SDK2: variants seen among roughly 807,000 people sequenced by gnomAD.
SDK2 encodes protein sidekick-2.
A neutral mutation model predicts 253.9 loss-of-function variants in SDK2; 105 were observed. The ratio of observed to expected loss-of-function variants is 0.41; its 90% confidence interval spans 0.35 to 0.49. The LOEUF (loss-of-function observed/expected upper bound fraction) is 0.49, where lower values mean the gene tolerates loss of function less well. Ranked by LOEUF, SDK2 falls within the 20% of genes least tolerant of loss-of-function variation. The pLI is 0.06. For missense variants in SDK2, 2,608 were observed against 3,003.0 expected (o/e 0.87, Z 3.07); for synonymous variants, 1,249 against 1,234.9 (o/e 1.01, Z -0.24).
At chr17:73,354,646 G>C (rs564585097) in intron 40 of SDK2, among the ~76,000 whole-genome samples, 4 of 152,170 alleles carry the variant, frequency 2.6e-5, no homozygotes, top group Non-Finnish European at 4.4e-5. Context: ...GGTCCTCTCT[G>C]TCTGGCCTGC....
chr17:73,411,975 T>G (rs1248179725), intron 18 of SDK2, among the ~76,000 whole-genome samples: 2 of 62,074 alleles, frequency 3.2e-5, no homozygotes, highest in African/African-American at 1.2e-4. Flanking sequence ...TATACGTATA[T>G]ATATATCTAC....
intron 1 of SDK2, among the ~76,000 whole-genome samples, chr17:73,552,810 T>C (rs1042307449): frequency 1.3e-5 from 2 of 152,236 alleles, no homozygotes; most frequent in African/African-American, 4.8e-5. Flanking sequence ...CCAACTCATT[T>C]GCACTTCTCG....
chr17:73,513,149 A>G (rs1321654922), intron 1 of SDK2, among the ~76,000 whole-genome samples: 1 of 151,996 alleles, frequency 6.6e-6, no homozygotes, highest in Non-Finnish European at 1.5e-5. Context: ...CTGGAAAAAA[A>G]AAAACCCTCA....
intron 11 of SDK2, 74 bp from the exon 12 acceptor site, chr17:73,430,687 A>T (rs1013577557): frequency 3.0e-6 from 3 of 991,080 alleles, no homozygotes; most frequent in Non-Finnish European, 4.3e-6. Flanking sequence ...GGTGGATACC[A>T]TATGAAAGCC....
At chr17:73,523,463 T>C (rs1260407681) in intron 1 of SDK2, among the ~76,000 whole-genome samples, 3 of 151,888 alleles carry the variant, frequency 2.0e-5, no homozygotes, top group African/African-American at 7.3e-5. Flanking sequence ...GATGAGGTCA[T>C]GAGAGGGGAC....
At chr17:73,356,715 T>C (rs1263918082) in intron 40 of SDK2, among the ~76,000 whole-genome samples, 1 of 152,134 alleles carries the variant, frequency 6.6e-6, no homozygotes, top group African/African-American at 2.4e-5. Context: ...CTGTGCCTGG[T>C]TACTGATCCT....
At chr17:73,524,434 G>A (rs147716295) in intron 1 of SDK2, among the ~76,000 whole-genome samples, 3,099 of 152,320 alleles carry the variant, frequency 0.02, 57 homozygotes, top group Non-Finnish European at 0.029. Flanking sequence ...TGGTGGGCTG[G>A]GGATGAAGGT....
chr17:73,471,947 G>C (rs2063654009), intron 3 of SDK2, among the ~76,000 whole-genome samples, 165 bp downstream of exon 3: 2 of 152,192 alleles, frequency 1.3e-5, no homozygotes, highest in Non-Finnish European at 2.9e-5. Context: ...CTGGGCCTTG[G>C]TTCTACCAAC....
Position 73,422,383 on chromosome 17 carries a change from A to G in SDK2, c.1949T>C (p.Val650Ala). The G allele has an allele frequency of 1.2e-6, 2 of 1,613,872 alleles. No homozygotes were observed. Residue 650 changes from valine to alanine, a missense_variant, in exon 15 of 45, where the codon GTG (valine) becomes GCG (alanine). Physicochemically the swap from Val to Ala is moderately conservative, Grantham distance 64. This residue lies in a region of SDK2 where 1,505 missense variants were observed against 1,859.1 expected (regional missense o/e 0.81). Coordinates refer to ENST00000392650, the MANE Select transcript of SDK2 (RefSeq NM_001144952.2). ...TGCAGGAACCAGGCCCTTGACTGTCACTGAGGTAGCTTTGGGGTCCACACT... is the reference window on the plus strand; with the variant it reads ...TGCAGGAACCAGGCCCTTGACTGTCGCTGAGGTAGCTTTGGGGTCCACACT... ...LASVDPKATS[V>A]TVKGLVPARS...
chr17:73,450,156 C>G (rs932454089), intron 4 of SDK2, among the ~76,000 whole-genome samples: 4 of 152,152 alleles, frequency 2.6e-5, no homozygotes, highest in African/African-American at 9.7e-5. Context: ...GGGGTCCTCC[C>G]CGTGCAGGGC....
intron 44 of SDK2, among the ~76,000 whole-genome samples, chr17:73,339,860 G>C (rs1286708422): frequency 6.6e-6 from 1 of 150,634 alleles, no homozygotes; most frequent in Admixed American, 6.6e-5. Context: ...CCTTACCTTT[G>C]TTTTCTTTTC....
chr17:73,451,313 C>G (rs922964341), intron 4 of SDK2, among the ~76,000 whole-genome samples: 2 of 152,126 alleles, frequency 1.3e-5, no homozygotes, highest in African/African-American at 4.8e-5. Context: ...TCAAGACCAG[C>G]CTGATCAACA....
At chr17:73,552,036 G>A (rs2045067483) in intron 1 of SDK2, among the ~76,000 whole-genome samples, 1 of 152,216 alleles carries the variant, frequency 6.6e-6, no homozygotes, top group Non-Finnish European at 1.5e-5. Flanking sequence ...GCAACCTAGA[G>A]TCAGGCAGGT....
intron 2 of SDK2, among the ~76,000 whole-genome samples, chr17:73,476,242 G>T (rs2063685093): frequency 6.6e-6 from 1 of 152,186 alleles, no homozygotes; most frequent in Non-Finnish European, 1.5e-5. Flanking sequence ...ATATATTTCT[G>T]TGTATTGTGT....
At position 73,391,536 on chromosome 17, in the gene SDK2, G is replaced by A; in HGVS notation, c.3901C>T (p.Pro1301Ser). ...AACAGGATGCCCATGGGTGGTCCTGGGACTGGAGGGGGCAAAGGAGAGGAG... is the reference window on the plus strand; with the variant it reads ...AACAGGATGCCCATGGGTGGTCCTGAGACTGGAGGGGGCAAAGGAGAGGAG... ...PILERTLDDVPGPPMGILFPE... is the reference protein window; with the variant it reads ...PILERTLDDVSGPPMGILFPE... The change falls in exon 28 of 45, where the codon CCA becomes TCA. Residue 1301 changes from proline (P) to serine (S), a missense_variant and splice_region_variant. By Grantham distance (74) the Pro-to-Ser change is moderately conservative. Coordinates refer to ENST00000392650, the MANE Select transcript of SDK2 (RefSeq NM_001144952.2). 1 of 1,293,038 alleles carries A rather than the reference G, an allele frequency of 7.7e-7. No individual in the cohort carries two copies. Among genetic ancestry groups the A allele is most frequent in the Non-Finnish European group, 9.9e-7 (1 of 1,012,310 alleles). 80.1% of individuals were successfully genotyped at this position (1,293,038 alleles called of 1,614,324 possible).
At chr17:73,366,706 G>A (rs1286268126) in intron 37 of SDK2, among the ~76,000 whole-genome samples, 1 of 152,118 alleles carries the variant, frequency 6.6e-6, no homozygotes, top group African/African-American at 2.4e-5. Context: ...GGGTGACCCC[G>A]GCTCATCGTG....
rs1461464214 is a variant in SDK2, at chr17:73,639,349, C to G, written c.64+4676G>C. Among the ~76,000 whole-genome samples, 1 of 152,142 alleles carries G rather than the reference C, an allele frequency of 6.6e-6. No homozygotes were observed. On this transcript the variant is annotated intron_variant, in intron 1 of 44. Coordinates refer to ENST00000392650, the MANE Select transcript of SDK2 (RefSeq NM_001144952.2). This position sits in a 1 kb window ranked among gnomAD's most constrained non-coding sequence, Gnocchi z 4.3. ...AGCCCTGCAGTCCCCTCTCTCCCTTCCCCCGGGGATGCTGAGCATCCCTGC... is the reference window on the plus strand; with the variant it reads ...AGCCCTGCAGTCCCCTCTCTCCCTTGCCCCGGGGATGCTGAGCATCCCTGC...
intron 17 of SDK2, among the ~76,000 whole-genome samples, 156 bp from the exon 18 acceptor site, chr17:73,414,915 C>G (rs1177971035): frequency 3.9e-5 from 6 of 151,990 alleles, no homozygotes; most frequent in African/African-American, 1.5e-4. Flanking sequence ...ACTTAAGAGG[C>G]CTTCATATTC....
At chr17:73,549,532 T>C (rs1356466679) in intron 1 of SDK2, among the ~76,000 whole-genome samples, 2 of 152,036 alleles carry the variant, frequency 1.3e-5, no homozygotes, top group Non-Finnish European at 2.9e-5. Context: ...GAAGAGGAAG[T>C]CTTGGTAAGG....
Sources: allele counts gnomAD v4.1 joint callset (sites outside exome capture counted in the v4.1 genomes callset), GRCh38; gene constraint gnomAD v4.1.1; regional missense constraint gnomAD v4.1.1; non-coding constraint Gnocchi (gnomAD v3.1); transcripts MANE v1.5; gene names NCBI Gene and HGNC (gene_info 2026-07-23, HGNC 2026-07-21).